ABCA9: variants seen among roughly 807,000 people sequenced by gnomAD.
The protein encoded by ABCA9 is ATP binding cassette subfamily A member 9, also known as ATP-binding cassette sub-family A member 9.
A neutral mutation model predicts 205.3 loss-of-function variants in ABCA9; 183 were observed. That is an observed-to-expected ratio of 0.89 (90% CI 0.79 to 1.01). ABCA9 has a LOEUF of 1.01. Ranked by LOEUF, ABCA9 falls within the 50% of genes least tolerant of loss-of-function variation. The pLI is 0.00. For missense variants in ABCA9, 1,805 were observed against 1,912.4 expected, an observed-to-expected ratio of 0.94 and a Z score of 1.05; for synonymous variants, 651 against 683.3, an observed-to-expected ratio of 0.95 and a Z score of 0.74.
intron 25 of ABCA9, among the ~76,000 whole-genome samples, chr17:69,004,197 A>C (rs376358768): frequency 4.6e-4 from 70 of 152,202 alleles, no homozygotes; most frequent in East Asian, 2.7e-3. Context: ...AGGCGCTCTG[A>C]TTTTTAGAGT....
rs771827093 is a variant in ABCA9 at position 69,035,713 on chromosome 17, G to GGAC, written c.886_888dup (p.Val296dup). ...GTGAAGACCATCACAAAACCAGTCA[G>GGAC]GACGACAATTTGTGCAGATTTTACA... On this transcript the variant is annotated inframe_insertion, in exon 7 of 39. Transcript: ENST00000340001. 6.2e-7 allele frequency: 1 copy of GGAC among 1,613,650 alleles called. No homozygotes were observed. Among genetic ancestry groups the GGAC allele is most frequent in the Non-Finnish European group, 8.5e-7 (1 of 1,179,806 alleles).
At chr17:69,049,168 G>C in intron 3 of ABCA9, 115 bp downstream of exon 3, 1 of 1,168,298 alleles carries the variant, frequency 8.6e-7, no homozygotes, top group African/African-American at 1.6e-5. Context: ...ATACGTTAAT[G>C]TTGTTAATAA....
At chr17:69,068,981 T>G in the ABCA9 span, among the ~76,000 whole-genome samples, 1 of 152,194 alleles carries the variant, frequency 6.6e-6, no homozygotes, top group African/African-American at 2.4e-5. Flanking sequence ...AAAACTGCAT[T>G]CTTCAGTAAG....
chr17:69,000,766 A>G (rs946482999), intron 25 of ABCA9, among the ~76,000 whole-genome samples: 7 of 150,888 alleles, frequency 4.6e-5, no homozygotes, highest in African/African-American at 1.5e-4. Context: ...TGAGCATGGA[A>G]TGTTCTTCCA....
intron 34 of ABCA9, 119 bp from the exon 35 acceptor site, chr17:68,984,294 AAAG>A: frequency 7.1e-7 from 1 of 1,412,570 alleles, no homozygotes. Context: ...ACTAGACAAA[AAAG>A]GGGTGTGTGT....
the ABCA9 span, among the ~76,000 whole-genome samples, chr17:69,071,826 G>T: frequency 2.6e-5 from 4 of 152,200 alleles, no homozygotes; most frequent in African/African-American, 4.8e-5. Context: ...CTAACCTAAT[G>T]CAAGGAAGCT....
the ABCA9 span, among the ~76,000 whole-genome samples, chr17:69,070,689 C>A: frequency 6.6e-6 from 1 of 152,190 alleles, no homozygotes; most frequent in African/African-American, 2.4e-5. Flanking sequence ...ACCGAGCTAG[C>A]TGCAGGAATG....
At chr17:69,077,099 T>TAA in the ABCA9 span, among the ~76,000 whole-genome samples, 1 of 152,174 alleles carries the variant, frequency 6.6e-6, no homozygotes, top group Non-Finnish European at 1.5e-5. Flanking sequence ...GGTGTTATGT[T>TAA]AGAGTGTTAA....
chr17:68,981,276 G>C (rs2069044047), intron 37 of ABCA9, among the ~76,000 whole-genome samples: 1 of 152,038 alleles, frequency 6.6e-6, no homozygotes, highest in Non-Finnish European at 1.5e-5. Flanking sequence ...CTTGCTAAGT[G>C]GGTAAATCTA....
intron 6 of ABCA9, 72 bp downstream of exon 6, chr17:69,043,417 G>A (rs977186262): frequency 7.7e-7 from 1 of 1,305,800 alleles, no homozygotes; most frequent in South Asian, 1.5e-5. Flanking sequence ...GGGACCCCTG[G>A]TCTAAGGAGT....
chr17:69,058,540 TAATA>T (rs762743802), intron 1 of ABCA9, among the ~76,000 whole-genome samples: 4 of 152,088 alleles, frequency 2.6e-5, no homozygotes, highest in Admixed American at 1.3e-4. Flanking sequence ...CTCACACTGC[TAATA>T]AAGACTTACC....
intron 34 of ABCA9, 100 bp downstream of exon 34, chr17:68,984,785 G>C: frequency 6.8e-7 from 1 of 1,481,030 alleles, no homozygotes; most frequent in Non-Finnish European, 9.2e-7. Flanking sequence ...TGCTTTTCCT[G>C]ATACTGTGTC....
chr17:69,064,395 C>T (rs1034267179), upstream of ABCA9, among the ~76,000 whole-genome samples: 4 of 152,206 alleles, frequency 2.6e-5, no homozygotes, highest in African/African-American at 4.8e-5. Flanking sequence ...TGTCTCTATA[C>T]ATCTTTCTCC....
At chr17:69,035,925 A>G in intron 6 of ABCA9, 124 bp from the exon 7 acceptor site, 1 of 1,176,070 alleles carries the variant, frequency 8.5e-7, no homozygotes, top group Non-Finnish European at 1.2e-6. Flanking sequence ...AAAATGCAAT[A>G]GCTAACTTAT....
intron 2 of ABCA9, among the ~76,000 whole-genome samples, 183 bp from the exon 3 acceptor site, chr17:69,049,673 A>G (rs762897067): frequency 2.0e-5 from 3 of 152,180 alleles, no homozygotes; most frequent in Non-Finnish European, 4.4e-5. Flanking sequence ...AAATATGCAC[A>G]TTGTCTACCA....
the ABCA9 span, among the ~76,000 whole-genome samples, chr17:69,073,773 G>A: frequency 1.1e-4 from 17 of 152,158 alleles, no homozygotes; most frequent in Admixed American, 2.6e-4. Context: ...AGGAGACAGA[G>A]ACAGCCTTAA....
At chr17:69,071,972 G>A in the ABCA9 span, among the ~76,000 whole-genome samples, 6 of 152,084 alleles carry the variant, frequency 3.9e-5, no homozygotes, top group African/African-American at 1.4e-4. Context: ...TAGCTGAATC[G>A]ATCAAACAGG....
chr17:68,982,855 A>C (rs942758852), intron 36 of ABCA9, among the ~76,000 whole-genome samples: 3 of 152,118 alleles, frequency 2.0e-5, no homozygotes, highest in Non-Finnish European at 4.4e-5. Flanking sequence ...AAAACTTAAA[A>C]ATTAGCCAGG....
chr17:68,996,413 T>G lies in ABCA9; in HGVS notation c.3436-399A>C, dbSNP rs182217130. ...CTTGGCAATTATTTGTTTGAATGGA[T>G]GTGCAAAATTCAACAACTTTGCCTT... On this transcript the variant is annotated intron_variant, in intron 25 of 38. Transcript: ENST00000340001. 1.2e-3 allele frequency among the ~76,000 whole-genome samples: 187 copies of G among 152,360 alleles called. 1 individual carries two copies. Among genetic ancestry groups the G allele is most frequent in the Non-Finnish European group, 5.9e-5 (4 of 68,028 alleles).
Sources: gnomAD v4.1 joint callset for allele counts (sites outside exome capture counted in the v4.1 genomes callset) on GRCh38, gnomAD v4.1.1 for gene constraint, MANE v1.5 for transcripts, NCBI Gene and HGNC (gene_info 2026-07-23, HGNC 2026-07-21) for gene names.